The following NRXN3 variants were observed in gnomAD, a reference collection of about 807,000 sequenced individuals.
The protein encoded by NRXN3 is neurexin III.
Under a neutral mutation model 137.6 loss-of-function variants are expected in NRXN3, and 32 were observed. The observed-to-expected ratio is 0.23, with a 90% CI of 0.18 to 0.31. NRXN3 has a LOEUF of 0.31. Ranked by LOEUF, NRXN3 falls within the 10% of genes least tolerant of loss-of-function variation. NRXN3 has a pLI of 1.00. For missense variants in NRXN3, 1,574 were observed against 2,062.5 expected, an observed-to-expected ratio of 0.76 and a Z score of 4.59; for synonymous variants, 798 against 784.5, an observed-to-expected ratio of 1.02 and a Z score of -0.29.
At chr14:79,323,575 G>A (rs1176900272) in intron 15 of NRXN3, among the ~76,000 whole-genome samples, 1 of 152,100 alleles carries the variant, frequency 6.6e-6, no homozygotes, top group Non-Finnish European at 1.5e-5. Flanking sequence ...ATTTTATATA[G>A]TAGGCCGGGC....
chr14:79,042,131 G>A (rs538292116), intron 15 of NRXN3, among the ~76,000 whole-genome samples: 7 of 152,268 alleles, frequency 4.6e-5, no homozygotes, highest in African/African-American at 1.7e-4. Flanking sequence ...CCACTCCTCA[G>A]TGATGGGGTA....
chr14:78,781,761 C>A (rs2098770612), intron 8 of NRXN3, among the ~76,000 whole-genome samples: 1 of 152,172 alleles, frequency 6.6e-6, no homozygotes, highest in Admixed American at 6.5e-5. Flanking sequence ...GAATTCAGAA[C>A]AATATATAAT....
At chr14:78,403,276 C>T (rs2092241050) in intron 4 of NRXN3, among the ~76,000 whole-genome samples, 1 of 152,190 alleles carries the variant, frequency 6.6e-6, no homozygotes, top group South Asian at 2.1e-4. Context: ...GCCCTGACTT[C>T]TTTTCTGCTC....
chr14:78,890,340 A>T (rs2099155432), intron 10 of NRXN3, among the ~76,000 whole-genome samples: 1 of 151,998 alleles, frequency 6.6e-6, no homozygotes, highest in Admixed American at 6.6e-5. Context: ...GAAGCACTGA[A>T]TTATGAAAAT....
chr14:78,567,099 A>C (rs1047169293), intron 4 of NRXN3, among the ~76,000 whole-genome samples: 2 of 152,144 alleles, frequency 1.3e-5, no homozygotes, highest in African/African-American at 2.4e-5. Context: ...GTTACAGGAC[A>C]CAATTCTTTC....
chr14:79,174,633 TA>T (rs200938930), intron 15 of NRXN3, among the ~76,000 whole-genome samples: 3,958 of 139,960 alleles, frequency 0.028, 149 homozygotes, highest in African/African-American at 0.087. Flanking sequence ...TGCGGTGGTT[TA>T]AAAAAAAAAA....
At chr14:79,832,819 C>T (rs1169312209) in intron 20 of NRXN3, among the ~76,000 whole-genome samples, 3 of 152,052 alleles carry the variant, frequency 2.0e-5, no homozygotes, top group Non-Finnish European at 4.4e-5. Flanking sequence ...GGGCATTGCA[C>T]ATATGGACAC....
intron 15 of NRXN3, among the ~76,000 whole-genome samples, chr14:79,422,925 C>T (rs2095602090): frequency 6.6e-6 from 1 of 152,030 alleles, no homozygotes. Context: ...GTCTCGAACT[C>T]CTGATCTTGT....
chr14:79,276,954 A>G (rs1465047093), intron 15 of NRXN3, among the ~76,000 whole-genome samples: 4 of 152,356 alleles, frequency 2.6e-5, no homozygotes, highest in Non-Finnish European at 5.9e-5. Context: ...AACAGGAGAA[A>G]ATGAAGACTC....
intron 19 of NRXN3, among the ~76,000 whole-genome samples, chr14:79,792,189 A>AG (rs1178457256): frequency 1.3e-5 from 2 of 152,156 alleles, no homozygotes; most frequent in Non-Finnish European, 2.9e-5. Context: ...CTCTCAAAAC[A>AG]GAAAAAAAAA....
chr14:79,648,977 G>A (rs2098463676), intron 16 of NRXN3, among the ~76,000 whole-genome samples: 1 of 152,294 alleles, frequency 6.6e-6, no homozygotes, highest in Non-Finnish European at 1.5e-5. Context: ...ATACAAAGTA[G>A]AGTGGCAAGC....
chr14:78,635,937 T>C (rs1056222287), intron 4 of NRXN3, among the ~76,000 whole-genome samples: 5 of 152,208 alleles, frequency 3.3e-5, no homozygotes, highest in African/African-American at 1.2e-4. Context: ...ACATTATTGA[T>C]ATATTTTCTT....
At chr14:78,590,838 C>A (rs2097109618) in intron 4 of NRXN3, among the ~76,000 whole-genome samples, 1 of 152,058 alleles carries the variant, frequency 6.6e-6, no homozygotes, top group Admixed American at 6.6e-5. Context: ...GCAGAGGTTG[C>A]AGTAAGCCAA....
At chr14:79,776,473 G>T (rs371800979) in intron 19 of NRXN3, among the ~76,000 whole-genome samples, 16 of 152,280 alleles carry the variant, frequency 1.1e-4, no homozygotes, top group South Asian at 1.0e-3. Flanking sequence ...CCAAAATCAG[G>T]ATTTCTTCTT....
At chr14:78,762,161 G>A (rs1218105151) in intron 8 of NRXN3, among the ~76,000 whole-genome samples, 2 of 152,096 alleles carry the variant, frequency 1.3e-5, no homozygotes, top group African/African-American at 2.4e-5. Flanking sequence ...TCCTACAAAT[G>A]TGTCATTGTG....
At chr14:78,174,943 G>A (rs911103586) in intron 1 of NRXN3, among the ~76,000 whole-genome samples, 14 of 152,186 alleles carry the variant, frequency 9.2e-5, no homozygotes, top group African/African-American at 3.4e-4. Context: ...GACAGAGCCT[G>A]GGGCTGAGCT....
intron 19 of NRXN3, among the ~76,000 whole-genome samples, chr14:79,775,028 G>A (rs1225828353): frequency 9.2e-5 from 14 of 151,930 alleles, no homozygotes; most frequent in South Asian, 4.1e-4. Context: ...GAATGGTGAC[G>A]TAGACACTTT....
intron 16 of NRXN3, 150 bp downstream of exon 16, chr14:79,467,552 AG>A (rs763679118): frequency 3.8e-5 from 26 of 693,256 alleles, no homozygotes; most frequent in Non-Finnish European, 5.3e-5. Flanking sequence ...TCATATTTAC[AG>A]GGTTCCTGGG....
At chr14:78,639,172 C>T (rs982748643) in intron 4 of NRXN3, among the ~76,000 whole-genome samples, 1 of 152,196 alleles carries the variant, frequency 6.6e-6, no homozygotes. Context: ...CAATAGTAGC[C>T]CACGTGTTTT....
Sources: allele counts gnomAD v4.1 joint callset (sites outside exome capture counted in the v4.1 genomes callset), GRCh38; gene constraint gnomAD v4.1.1; transcripts MANE v1.5; gene names NCBI Gene and HGNC (gene_info 2026-07-23, HGNC 2026-07-21).